The following MAPK8 variants were observed in gnomAD, a reference collection of about 807,000 sequenced individuals.
MAPK8 encodes mitogen-activated protein kinase 8, also known as JUN N-terminal kinase.
In MAPK8, 13 loss-of-function variants were observed where a neutral mutation model predicts 52.9. That is an observed-to-expected ratio of 0.25 (90% CI 0.16 to 0.39). The LOEUF is 0.39. Ranked by LOEUF, MAPK8 falls within the 10% of genes least tolerant of loss-of-function variation. The probability of loss-of-function intolerance (pLI) is 1.00; values close to 1 mark genes in which losing one functional copy is unlikely to be tolerated. For synonymous variants in MAPK8, 191 were observed against 169.8 expected, an observed-to-expected ratio of 1.12 and a Z score of -0.97; for missense variants, 300 against 519.2, an observed-to-expected ratio of 0.58 and a Z score of 4.10.
intron 1 of MAPK8, among the ~76,000 whole-genome samples, chr10:48,400,687 C>T (rs935627345): frequency 6.6e-6 from 1 of 152,190 alleles, no homozygotes; most frequent in African/African-American, 2.4e-5. Flanking sequence ...TTAGCATTAT[C>T]TTAAAACCAC....
At chr10:48,362,501 G>A (rs1250257992) in intron 1 of MAPK8, among the ~76,000 whole-genome samples, 1 of 137,318 alleles carries the variant, frequency 7.3e-6, no homozygotes, top group African/African-American at 2.7e-5. Context: ...GAATTAATGG[G>A]GAACAAATAC....
At chr10:48,356,763 A>G (rs527559489) in intron 1 of MAPK8, among the ~76,000 whole-genome samples, 9 of 143,686 alleles carry the variant, frequency 6.3e-5, no homozygotes, top group African/African-American at 2.0e-4. Flanking sequence ...AATCGTTTCA[A>G]CCTGGGAGGT....
intron 1 of MAPK8, among the ~76,000 whole-genome samples, chr10:48,382,654 A>C (rs1374589743): frequency 1.3e-5 from 2 of 151,742 alleles, no homozygotes. Flanking sequence ...TAAGCTTTCC[A>C]AAAGGCCAAT....
At chr10:48,350,376 C>A (rs938784178) in intron 1 of MAPK8, among the ~76,000 whole-genome samples, 105 of 152,122 alleles carry the variant, frequency 6.9e-4, no homozygotes, top group African/African-American at 2.2e-3. Flanking sequence ...TCAGTAAAAT[C>A]CTGGCAAACC....
chr10:48,327,633 T>G (rs1282014469), intron 1 of MAPK8, among the ~76,000 whole-genome samples: 2 of 152,256 alleles, frequency 1.3e-5, no homozygotes, highest in Admixed American at 1.3e-4. Context: ...GTTTTTATTT[T>G]CTGCAAGAGA....
At chr10:48,409,809 A>G in intron 3 of MAPK8, 70 bp from the exon 4 acceptor site, 1 of 1,027,828 alleles carries the variant, frequency 9.7e-7, no homozygotes, top group Non-Finnish European at 1.5e-6. Flanking sequence ...TAACTCATGT[A>G]TTTGTAGTTC....
chr10:48,391,510 C>G (rs2041622620), intron 1 of MAPK8, among the ~76,000 whole-genome samples: 1 of 152,116 alleles, frequency 6.6e-6, no homozygotes, highest in Non-Finnish European at 1.5e-5. Flanking sequence ...CCTTAATGCC[C>G]TTATCTTGGT....
At chr10:48,371,648 G>C (rs1848536683) in intron 1 of MAPK8, among the ~76,000 whole-genome samples, 1 of 152,034 alleles carries the variant, frequency 6.6e-6, no homozygotes, top group African/African-American at 2.4e-5. Context: ...GACACCAACT[G>C]GGTGTCTTCT....
rs369653158 is a variant in MAPK8 at position 48,358,220 on chromosome 10, C to T, written c.-49-43392C>T. ...GGGTCATATGGTAATCTATGTTTTA[C>T]TTTTTGAGGTACCCAGCAAACTGTT... On this transcript the variant is annotated intron_variant, in intron 1 of 11. Transcript: ENST00000374189. Among the ~76,000 whole-genome samples the T allele has an allele frequency of 1.3e-4, 20 of 152,282 alleles. No homozygotes were observed. In the East Asian group the frequency reaches 3.9e-3, roughly 29 times the overall value.
At chr10:48,427,020 C>G (rs2133248543) in intron 9 of MAPK8, 60 bp from the exon 10 acceptor site, 1 of 1,234,946 alleles carries the variant, frequency 8.1e-7, no homozygotes, top group Non-Finnish European at 1.2e-6. Context: ...TTTCAAATAA[C>G]TACAGAGTTA....
chr10:48,426,964 TC>T, intron 9 of MAPK8, 115 bp from the exon 10 acceptor site: 1 of 720,456 alleles, frequency 1.4e-6, no homozygotes, highest in Non-Finnish European at 2.5e-6. Flanking sequence ...GATTGATCAG[TC>T]TTGATCTAAT....
At position 48,401,656 on chromosome 10, in the gene MAPK8, C is replaced by A. The variant is rs777670645; in HGVS notation, c.-5C>A. 25 of 1,609,242 alleles carry A rather than the reference C, an allele frequency of 1.6e-5. No homozygotes were observed. The highest frequency in any genetic ancestry group is 2.0e-5 in the Non-Finnish European group (23 of 1,178,214). On this transcript the variant is annotated 5_prime_UTR_variant, in exon 2 of 12. Transcript: ENST00000374189. ...ATGAAGCCATTAAATTAATTGCTTGCCATCATGAGCAGAAGCAAGCGTGAC... is the reference window on the plus strand; with the variant it reads ...ATGAAGCCATTAAATTAATTGCTTGACATCATGAGCAGAAGCAAGCGTGAC...
intron 1 of MAPK8, among the ~76,000 whole-genome samples, chr10:48,331,609 C>G (rs916405832): frequency 5.9e-5 from 9 of 152,176 alleles, no homozygotes; most frequent in Non-Finnish European, 8.8e-5. Context: ...TGGAGCTTGT[C>G]TTCTTTCCAA....
chr10:48,397,342 G>C (rs983495836), intron 1 of MAPK8, among the ~76,000 whole-genome samples: 1 of 151,402 alleles, frequency 6.6e-6, no homozygotes, highest in African/African-American at 2.4e-5. Context: ...TTTTTATAGA[G>C]ATGGGGTCTC....
At chr10:48,416,408 C>G (rs2043066810) in intron 5 of MAPK8, among the ~76,000 whole-genome samples, 1 of 152,200 alleles carries the variant, frequency 6.6e-6, no homozygotes, top group Non-Finnish European at 1.5e-5. Context: ...GAGCAGACTT[C>G]AGCATAGTGG....
At chr10:48,382,153 AAACATATCACAG>A (rs1274964929) in intron 1 of MAPK8, among the ~76,000 whole-genome samples, 4 of 152,218 alleles carry the variant, frequency 2.6e-5, no homozygotes, top group African/African-American at 7.2e-5. Context: ...AATAAGCATC[AAACATATCACAG>A]AAGCAATAGT....
intron 1 of MAPK8, among the ~76,000 whole-genome samples, chr10:48,327,540 GCTTTCTT>G (rs772180260): frequency 4.6e-5 from 7 of 152,174 alleles, no homozygotes; most frequent in Non-Finnish European, 8.8e-5. Context: ...CTGGTCTGTA[GCTTTCTT>G]TTCTTACCAT....
chr10:48,412,880 TC>T (rs1200615445), intron 5 of MAPK8, among the ~76,000 whole-genome samples: 1 of 152,168 alleles, frequency 6.6e-6, no homozygotes, highest in Non-Finnish European at 1.5e-5. Flanking sequence ...ATCACCACCA[TC>T]CATCTCCAGA....
rs942724356 is a variant in MAPK8, at chr10:48,436,837, A to G, written c.*1808A>G. 6.6e-6 allele frequency: 1 copy of G among 152,148 alleles called. No individual in the cohort carries two copies. The highest frequency in any genetic ancestry group is 2.4e-5 in the African/African-American group (1 of 41,438). The allele number at this position is 152,148 out of a possible 1,614,324, so 9.4% of individuals were successfully genotyped here. On this transcript the variant is annotated 3_prime_UTR_variant, in exon 12 of 12. Coordinates refer to ENST00000374189, the MANE Select transcript of MAPK8 (RefSeq NM_001323329.2). ...TAATACAACAAGGTGCATTAATTTG[A>G]TTAGGCAAATTAGAGTTCTAAGACA...
Sources: allele counts gnomAD v4.1 joint callset (sites outside exome capture counted in the v4.1 genomes callset), GRCh38; gene constraint gnomAD v4.1.1; transcripts MANE v1.5; gene names NCBI Gene and HGNC (gene_info 2026-07-23, HGNC 2026-07-21).